Variants in TTC7B observed in about 807,000 individuals in gnomAD.
TTC7B encodes the protein tetratricopeptide repeat protein 7B.
In TTC7B, 28 loss-of-function variants were observed where a neutral mutation model predicts 106.8. The observed-to-expected ratio is 0.26, with a 90% CI of 0.19 to 0.36. TTC7B has a LOEUF of 0.36. Ranked by LOEUF, TTC7B falls within the 10% of genes least tolerant of loss-of-function variation. TTC7B has a pLI of 1.00. For synonymous variants in TTC7B, 405 were observed against 430.6 expected, an observed-to-expected ratio of 0.94 and a Z score of 0.74; for missense variants, 862 against 1,076.4, an observed-to-expected ratio of 0.80 and a Z score of 2.79.
At chr14:90,639,706 A>T (rs536397706) in intron 15 of TTC7B, among the ~76,000 whole-genome samples, 1 of 152,376 alleles carries the variant, frequency 6.6e-6, no homozygotes, top group South Asian at 2.1e-4. Flanking sequence ...CGTGTGCACC[A>T]GGAGCCCTGT....
intron 19 of TTC7B, among the ~76,000 whole-genome samples, chr14:90,549,264 G>A (rs1889972971): frequency 6.6e-6 from 1 of 152,212 alleles, no homozygotes; most frequent in African/African-American, 2.4e-5. Flanking sequence ...CAAGGGTGGT[G>A]GGGGCTGAGG....
At chr14:90,735,932 A>G (rs749544664) in intron 4 of TTC7B, among the ~76,000 whole-genome samples, 2 of 152,200 alleles carry the variant, frequency 1.3e-5, no homozygotes, top group Non-Finnish European at 2.9e-5. Flanking sequence ...CCTGAAAAAT[A>G]AAAGTAATGA....
At chr14:90,547,953 A>T (rs1181987294) in intron 19 of TTC7B, among the ~76,000 whole-genome samples, 1 of 152,188 alleles carries the variant, frequency 6.6e-6, no homozygotes, top group Non-Finnish European at 1.5e-5. Context: ...CCCAAGGAGA[A>T]GCCATTGCTG....
At chr14:90,749,259 T>C (rs1275920119) in intron 3 of TTC7B, among the ~76,000 whole-genome samples, 1 of 152,188 alleles carries the variant, frequency 6.6e-6, no homozygotes, top group Non-Finnish European at 1.5e-5. Flanking sequence ...TCCATAAAAT[T>C]TGAAAAACAT....
At chr14:90,660,007 C>T (rs985709640) in intron 9 of TTC7B, among the ~76,000 whole-genome samples, 9 of 151,922 alleles carry the variant, frequency 5.9e-5, no homozygotes, top group Non-Finnish European at 1.2e-4. Context: ...CAGGTGGTGT[C>T]GGGCCCAGCC....
At chr14:90,547,189 A>G (rs910580325) in intron 19 of TTC7B, among the ~76,000 whole-genome samples, 4 of 152,248 alleles carry the variant, frequency 2.6e-5, no homozygotes, top group Non-Finnish European at 5.9e-5. Context: ...CCAAGCTGGT[A>G]ATTATCATAA....
chr14:90,619,439 C>T (rs1017932944), intron 15 of TTC7B, among the ~76,000 whole-genome samples: 4 of 152,230 alleles, frequency 2.6e-5, no homozygotes, highest in East Asian at 1.9e-4. Flanking sequence ...TACTCATGCA[C>T]ATCTTTCTTT....
At chr14:90,641,307 A>AGTT (rs1885161025) in intron 15 of TTC7B, among the ~76,000 whole-genome samples, 4 of 152,220 alleles carry the variant, frequency 2.6e-5, no homozygotes, top group African/African-American at 7.2e-5. Flanking sequence ...ACTGCCCAAC[A>AGTT]GGTGGACAGA....
At chr14:90,804,415 C>A (rs559434240) in intron 1 of TTC7B, among the ~76,000 whole-genome samples, 25 of 152,252 alleles carry the variant, frequency 1.6e-4, no homozygotes, top group Non-Finnish European at 3.4e-4. Flanking sequence ...GGCACTGAGT[C>A]CTGGCCTGGT....
intron 3 of TTC7B, among the ~76,000 whole-genome samples, chr14:90,775,322 T>G (rs1890991548): frequency 6.6e-6 from 1 of 152,202 alleles, no homozygotes; most frequent in African/African-American, 2.4e-5. Context: ...ATTCACCCAT[T>G]CCCTGCACAA....
At chr14:90,541,612 GA>G in intron 19 of TTC7B, 23 bp from the exon 20 acceptor site, 1 of 1,527,576 alleles carries the variant, frequency 6.5e-7, no homozygotes, top group South Asian at 1.3e-5. Flanking sequence ...GAGAGAGAGA[GA>G]GACAGTCAGC....
At chr14:90,746,050 C>T (rs559791784) in intron 3 of TTC7B, among the ~76,000 whole-genome samples, 37 of 152,230 alleles carry the variant, frequency 2.4e-4, no homozygotes, top group African/African-American at 8.9e-4. Context: ...CTAAAGTTTC[C>T]TTCAAATGCC....
chr14:90,562,033 TCA>T (rs1178771084), intron 19 of TTC7B, among the ~76,000 whole-genome samples: 1 of 152,160 alleles, frequency 6.6e-6, no homozygotes, highest in African/African-American at 2.4e-5. Context: ...AATTTATATC[TCA>T]GGCAGTCTTG....
intron 19 of TTC7B, among the ~76,000 whole-genome samples, 174 bp from the exon 20 acceptor site, chr14:90,541,763 T>C (rs1889602437): frequency 6.6e-6 from 1 of 152,236 alleles, no homozygotes; most frequent in African/African-American, 2.4e-5. Context: ...ACAGTCAAAA[T>C]AGTCGCCAAG....
intron 19 of TTC7B, among the ~76,000 whole-genome samples, chr14:90,548,088 A>C (rs1889912127): frequency 6.6e-6 from 1 of 152,210 alleles, no homozygotes; most frequent in South Asian, 2.1e-4. Flanking sequence ...AACCACTCCA[A>C]GTGCTCTCTA....
At chr14:90,680,650 G>A in intron 7 of TTC7B, 115 bp from the exon 8 acceptor site, 1 of 689,454 alleles carries the variant, frequency 1.5e-6, no homozygotes, top group Non-Finnish European at 2.5e-6. Context: ...GAAAAATACT[G>A]TATAATTTGG....
Position 90,624,834 on chromosome 14 carries a change from C to T in TTC7B, c.1752-6789G>A, listed in dbSNP as rs116744455. Among the ~76,000 whole-genome samples, 780 of 152,366 alleles carry T rather than the reference C, an allele frequency of 5.1e-3. 4 individuals are homozygous for T. Among genetic ancestry groups the T allele is most frequent in the African/African-American group, 0.018 (749 of 41,582 alleles). On this transcript the variant is annotated intron_variant, in intron 15 of 19. Coordinates refer to ENST00000328459, the MANE Select transcript of TTC7B (RefSeq NM_001010854.2). The surrounding 1 kb of genome is among the most constrained non-coding windows in gnomAD (Gnocchi z 4.0). Reference sequence around the variant, plus strand: ...AACATCACGGGAACCTTGAACATTTCGTATCTTGTGCTGATCTGTGTTTGC... The same window carrying T: ...AACATCACGGGAACCTTGAACATTTTGTATCTTGTGCTGATCTGTGTTTGC...
At chr14:90,615,150 T>A (rs878918279) in intron 16 of TTC7B, among the ~76,000 whole-genome samples, 1 of 152,270 alleles carries the variant, frequency 6.6e-6, no homozygotes, top group Non-Finnish European at 1.5e-5. Flanking sequence ...AGTTTTCCAA[T>A]GCTCAGTTTA....
In TTC7B at chr14:90,527,360, T is replaced by C. The variant is rs1220096664; in HGVS notation, c.*14008A>G. On this transcript the variant is annotated 3_prime_UTR_variant, in exon 20 of 20. Transcript: ENST00000328459. ...TGAAGCTCCCCAAGCTTCACTTGACTCTGAGGATCTTCTACGCCAGGCACT... is the reference window on the plus strand; with the variant it reads ...TGAAGCTCCCCAAGCTTCACTTGACCCTGAGGATCTTCTACGCCAGGCACT... The C allele has an allele frequency of 6.6e-6, 1 of 152,174 alleles. No individual in the cohort carries two copies. The highest frequency in any genetic ancestry group is 1.5e-5 in the Non-Finnish European group (1 of 68,040). The allele number at this position is 152,174 out of a possible 1,614,324, so 9.4% of individuals were successfully genotyped here. A position where few individuals can be genotyped will look rare whatever the true frequency, so the allele number is the denominator to read the frequency against.
Sources: allele counts gnomAD v4.1 joint callset (sites outside exome capture counted in the v4.1 genomes callset), GRCh38; gene constraint gnomAD v4.1.1; non-coding constraint Gnocchi (gnomAD v3.1); transcripts MANE v1.5; gene names NCBI Gene and HGNC (gene_info 2026-07-23, HGNC 2026-07-21).